CDK5RAP3: variants seen among roughly 807,000 people sequenced by gnomAD.
CDK5RAP3 encodes the protein CDK5 regulatory subunit-associated protein 3.
Under a neutral mutation model 73.3 loss-of-function variants are expected in CDK5RAP3, and 58 were observed. The observed-to-expected ratio is 0.79, with a 90% CI of 0.64 to 0.98. The LOEUF (loss-of-function observed/expected upper bound fraction) is 0.98, where lower values mean the gene tolerates loss of function less well. Among genes scored for constraint, CDK5RAP3 ranks in the 50% least tolerant of loss-of-function variants. The pLI, the probability that CDK5RAP3 is intolerant of heterozygous loss-of-function variation, is 0.00. For missense variants in CDK5RAP3, 525 were observed against 615.8 expected, an observed-to-expected ratio of 0.85 and a Z score of 1.56; for synonymous variants, 224 against 247.5, an observed-to-expected ratio of 0.91 and a Z score of 0.89.
rs758283234 is a variant in CDK5RAP3 at position 47,976,032 on chromosome 17, T to C, written c.798+19T>C. The stretch of plus-strand genomic sequence containing the variant: ...AGATGCGGTAAGATGGGCCTTGTGA[T>C]GAGCTGTAGGAGTGGAGTGGGAGCT... On this transcript the variant is annotated intron_variant, in intron 8 of 13. Coordinates refer to ENST00000338399, the MANE Select transcript of CDK5RAP3 (RefSeq NM_176096.3). 6.2e-7 allele frequency: 1 copy of C among 1,612,604 alleles called. No homozygotes were observed. The highest frequency in any genetic ancestry group is 8.5e-7 in the Non-Finnish European group (1 of 1,179,324).
At chr17:47,975,406 CTG>C in intron 6 of CDK5RAP3, 69 bp downstream of exon 6, 1 of 1,605,146 alleles carries the variant, frequency 6.2e-7, no homozygotes, top group South Asian at 1.1e-5. Flanking sequence ...CTGACCCCGT[CTG>C]ACCCCTCAGC....
At position 47,971,127 on chromosome 17, in the gene CDK5RAP3, G is replaced by A. The variant is rs1330202087; in HGVS notation, c.-20G>A. ...CGGGGCGGGCCACAGTCTCCAGCCTGAAGCGGAAGTGGAGGAAAGATGGAG... is the reference window on the plus strand; with the variant it reads ...CGGGGCGGGCCACAGTCTCCAGCCTAAAGCGGAAGTGGAGGAAAGATGGAG... On this transcript the variant is annotated 5_prime_UTR_variant, in exon 1 of 14. Transcript: ENST00000338399. The A allele has an allele frequency of 1.5e-5, 24 of 1,551,508 alleles. No individual in the cohort carries two copies. The highest frequency in any genetic ancestry group is 2.1e-5 in the Non-Finnish European group (24 of 1,146,966).
chr17:47,972,505 C>T (rs1038967170), intron 2 of CDK5RAP3, among the ~76,000 whole-genome samples: 1 of 152,128 alleles, frequency 6.6e-6, no homozygotes, highest in African/African-American at 2.4e-5. Context: ...TCTGAATTCA[C>T]CACTCTGTAG....
chr17:47,981,503 C>T lies in CDK5RAP3; in HGVS notation c.*1C>T, dbSNP rs771316415. 21 of 1,614,118 alleles carry T rather than the reference C, an allele frequency of 1.3e-5. No homozygotes were observed. The highest frequency in any genetic ancestry group is 1.7e-5 in the Non-Finnish European group (20 of 1,180,036). On this transcript the variant is annotated 3_prime_UTR_variant, in exon 14 of 14. Transcript: ENST00000338399. Reference sequence around the variant, plus strand: ...GAACCTGATGGGAACCTCTCTGTGACACCCTCCGTGTTCTTGCCTGCCCAT... The same window carrying T: ...GAACCTGATGGGAACCTCTCTGTGATACCCTCCGTGTTCTTGCCTGCCCAT...
chr17:47,975,674 C>G (rs1419436045), intron 7 of CDK5RAP3, 21 bp downstream of exon 7: 2 of 1,582,856 alleles, frequency 1.3e-6, no homozygotes, highest in African/African-American at 1.3e-5. Context: ...CTCAGCTTCT[C>G]CTGGTGGGGG....
chr17:47,976,631 TG>T, intron 8 of CDK5RAP3, 80 bp from the exon 9 acceptor site: 1 of 961,720 alleles, frequency 1.0e-6, no homozygotes, highest in Non-Finnish European at 1.7e-6. Flanking sequence ...CCCAAAGTAC[TG>T]GGGTTACAGA....
rs2036415788 is a variant in CDK5RAP3 at position 47,976,532 on chromosome 17, TA to T, written c.799-179del. The T allele has an allele frequency of 1.2e-5, 6 of 501,252 alleles. No homozygotes were observed. The South Asian group carries it at 1.2e-4, about 10-fold the overall frequency. 31.1% of individuals were successfully genotyped at this position (501,252 alleles called of 1,614,324 possible). On this transcript the variant is annotated intron_variant, in intron 8 of 13. Coordinates refer to ENST00000338399, the MANE Select transcript of CDK5RAP3 (RefSeq NM_176096.3). The stretch of plus-strand genomic sequence containing the variant: ...GCACCACCACTCCTAGCTAATTTTT[TA>T]TTAACATCTTTGTAGGGACAGGATT...
At chr17:47,978,196 A>C in intron 10 of CDK5RAP3, 1 of 288,102 alleles carries the variant, frequency 3.5e-6, no homozygotes, top group Non-Finnish European at 6.5e-6. Flanking sequence ...CAGCCTCCCG[A>C]GTAGCTGGGA....
chr17:47,970,571 C>T, upstream of CDK5RAP3: 4 of 1,179,628 alleles, frequency 3.4e-6, no homozygotes, highest in Non-Finnish European at 4.9e-6. Flanking sequence ...CACCGACTCT[C>T]TTCCTTCCCC....
At chr17:47,974,357 G>T in intron 4 of CDK5RAP3, 43 bp from the exon 5 acceptor site, 1 of 1,540,686 alleles carries the variant, frequency 6.5e-7, no homozygotes, top group South Asian at 1.1e-5. Context: ...TGTGGCTGTC[G>T]AGTGCTTTTC....
chr17:47,977,771 C>T, intron 9 of CDK5RAP3, 61 bp from the exon 10 acceptor site: 2 of 1,421,600 alleles, frequency 1.4e-6, no homozygotes, highest in East Asian at 2.3e-5. Flanking sequence ...TTGGTTTATT[C>T]TGGCTCCTTG....
chr17:47,975,560 C>T lies in CDK5RAP3; in HGVS notation c.560C>T (p.Pro187Leu), dbSNP rs370792872. 122 of 1,611,024 alleles carry T rather than the reference C, an allele frequency of 7.6e-5. No homozygotes were observed. The highest frequency in any genetic ancestry group is 3.3e-4 in the Middle Eastern group (2 of 6,082). Reference protein sequence around the residue: ...GELLALVKDLPSQLAEIGAAA... With the variant: ...GELLALVKDLLSQLAEIGAAA... ...CTGCTGGCCCTGGTGAAGGACCTGC[C>T]GAGTCAGCTGGCTGAGATTGGGGCA... is the stretch of plus-strand genomic sequence containing the variant. The change falls in exon 7 of 14, where the codon CCG becomes CTG. Residue 187 changes from proline to leucine, a missense_variant. Pro to Leu is a moderately conservative substitution (Grantham distance 98). Transcript: ENST00000338399.
At chr17:47,970,921 C>T, upstream of CDK5RAP3, 1 of 1,449,628 alleles carries the variant, frequency 6.9e-7, no homozygotes, top group Non-Finnish European at 9.0e-7. Flanking sequence ...CTCCAATTGG[C>T]TGTCTCCATT....
In CDK5RAP3 at chr17:47,976,719, G is replaced by A; in HGVS notation, c.806G>A (p.Trp269Ter). The A allele has an allele frequency of 6.2e-7, 1 of 1,609,402 alleles. No homozygotes were observed. Among genetic ancestry groups the A allele is most frequent in the Non-Finnish European group, 8.5e-7 (1 of 1,176,682 alleles). The change falls in exon 9 of 14, where the codon TGG (tryptophan) becomes TAG (stop). Residue 269 changes from tryptophan (W) to a stop codon, truncating the protein, a stop_gained. Coordinates refer to ENST00000338399, the MANE Select transcript of CDK5RAP3 (RefSeq NM_176096.3). LOFTEE classifies it high-confidence loss of function. ...PEQVAEDAIDWGDFGVEAVSE... is the reference protein window; with the variant it reads ...PEQVAEDAID ...CTCTCTTTCCCTTTCCAGATTGACT[G>A]GGGCGACTTTGGGGTAGAGGCAGTG... is the stretch of plus-strand genomic sequence containing the variant.
At chr17:47,971,067 G>A (rs564518342), upstream of CDK5RAP3, 11 of 1,550,454 alleles carry the variant, frequency 7.1e-6, no homozygotes, top group Non-Finnish European at 9.6e-6. Flanking sequence ...TCTAAACGGA[G>A]GCTCGGCCAC....
At chr17:47,968,385 G>C (rs900627224), upstream of CDK5RAP3, among the ~76,000 whole-genome samples, 2 of 152,130 alleles carry the variant, frequency 1.3e-5, no homozygotes, top group African/African-American at 4.8e-5. Context: ...CGCAATCTGG[G>C]CTCATTGCAA....
Position 47,981,334 on chromosome 17 carries a change from G to C in CDK5RAP3, c.1455G>C (p.Leu485=), listed in dbSNP as rs199939517. The change falls in exon 13 of 14, where the codon CTG becomes CTC. Residue 485 remains leucine, a splice_region_variant and synonymous_variant. Transcript: ENST00000338399. ...AGAAGACCAAGGAGCTGCAGAAGCT[G>C]GTGAGATGGGAAAGGGAGGCCTGCC... ...LLEKTKELQK[L]IEADISKRYS... 1.2e-4 allele frequency: 187 copies of C among 1,613,930 alleles called. No homozygotes were observed. The highest frequency in any genetic ancestry group is 2.5e-5 in the Non-Finnish European group (29 of 1,179,896).
At chr17:47,968,675 G>T (rs1230276260), upstream of CDK5RAP3, among the ~76,000 whole-genome samples, 2 of 152,160 alleles carry the variant, frequency 1.3e-5, no homozygotes. Context: ...ACGCCACCAC[G>T]CCCAGCTAAT....
In CDK5RAP3 at chr17:47,977,915, G is replaced by A. The variant is rs750959883; in HGVS notation, c.988+5G>A. The A allele has an allele frequency of 6.2e-7, 1 of 1,613,796 alleles. No homozygotes were observed. Among genetic ancestry groups the A allele is most frequent in the South Asian group, 1.1e-5 (1 of 91,066 alleles). On this transcript the variant is annotated splice_donor_5th_base_variant and intron_variant, in intron 10 of 13. Coordinates refer to ENST00000338399, the MANE Select transcript of CDK5RAP3 (RefSeq NM_176096.3). The stretch of plus-strand genomic sequence containing the variant: ...TGCTGGAAGCAGGAACCCAGGGTAA[G>A]TGCACCATCCCCTGCAGCCCTGGCA...
Sources: allele counts gnomAD v4.1 joint callset (sites outside exome capture counted in the v4.1 genomes callset), GRCh38; gene constraint gnomAD v4.1.1; transcripts MANE v1.5; gene names NCBI Gene and HGNC (gene_info 2026-07-23, HGNC 2026-07-21).